The following ATIC variants were observed in gnomAD, a reference collection of about 807,000 sequenced individuals.
The protein encoded by ATIC is 5-aminoimidazole-4-carboxamide ribonucleotide formyltransferase/IMP cyclohydrolase.
In ATIC, 64 loss-of-function variants were observed where a neutral mutation model predicts 72.5. The observed-to-expected ratio is 0.88, with a 90% CI of 0.72 to 1.09. ATIC has a LOEUF of 1.09. Among genes scored for constraint, ATIC ranks in the 50% least tolerant of loss-of-function variants. The probability of loss-of-function intolerance (pLI) is 0.00; values close to 1 mark genes in which losing one functional copy is unlikely to be tolerated. For missense variants in ATIC, 787 were observed against 732.4 expected (o/e 1.07, Z -0.86); for synonymous variants, 281 against 267.1 (o/e 1.05, Z -0.51).
Position 215,349,555 on chromosome 2 carries a change from C to G in ATIC, c.1679C>G (p.Ala560Gly). The change falls in exon 16 of 16, where the codon GCG becomes GGG. Residue 560 changes from alanine to glycine, a missense_variant. Physicochemically the swap from Ala to Gly is moderately conservative, Grantham distance 60 (BLOSUM62 0). Transcript: ENST00000236959. ...CCCCAGAGTGGTGTGGCGTACATTG[C>G]GGCTCCCTCCGGTTCTGCTGCTGAC... is the stretch of plus-strand genomic sequence containing the variant. ...RAKRSGVAYIAAPSGSAADKV... is the reference protein window; with the variant it reads ...RAKRSGVAYIGAPSGSAADKV... The G allele has an allele frequency of 6.2e-7, 1 of 1,614,082 alleles. No individual in the cohort carries two copies. Among genetic ancestry groups the G allele is most frequent in the South Asian group, 1.1e-5 (1 of 91,080 alleles).
chr2:215,352,112 GC>G (rs1290041952), downstream of ATIC, among the ~76,000 whole-genome samples: 2 of 152,220 alleles, frequency 1.3e-5, no homozygotes, highest in East Asian at 3.9e-4. Flanking sequence ...GTCCTGGATA[GC>G]ATCCTGGAAC....
the ATIC span, chr2:215,363,780 C>G: frequency 6.6e-6 from 1 of 152,150 alleles, no homozygotes; most frequent in Admixed American, 6.5e-5. Context: ...CACATAATTT[C>G]ATTTTGAAAT....
intron 4 of ATIC, among the ~76,000 whole-genome samples, 198 bp downstream of exon 4, chr2:215,319,929 A>G (rs1209504144): frequency 6.6e-6 from 1 of 152,196 alleles, no homozygotes; most frequent in African/African-American, 2.4e-5. Flanking sequence ...GGAAGTTACA[A>G]TCTAAATCTT....
In ATIC at chr2:215,346,701, C is replaced by A. The variant is rs1458443890; in HGVS notation, c.1321-58C>A. The A allele has an allele frequency of 1.1e-5, 18 of 1,588,886 alleles. No homozygotes were observed. In the Admixed American group the frequency reaches 2.8e-4, roughly 25 times the overall value. ...TTTTGGAGAATGTGCACAAAAGATC[C>A]TTTTGAGAAGAAAGTGTCTTTGGAA... is the stretch of plus-strand genomic sequence containing the variant. On this transcript the variant is annotated intron_variant, in intron 13 of 15. Transcript: ENST00000236959.
intron 14 of ATIC, among the ~76,000 whole-genome samples, chr2:215,348,241 A>G (rs906963556): frequency 6.6e-6 from 1 of 152,212 alleles, no homozygotes; most frequent in Non-Finnish European, 1.5e-5. Flanking sequence ...TTTTGTCTAC[A>G]ACTGCCTTTA....
chr2:215,326,314 T>C (rs543450281), intron 6 of ATIC, among the ~76,000 whole-genome samples, 176 bp downstream of exon 6: 48 of 152,170 alleles, frequency 3.2e-4, no homozygotes, highest in African/African-American at 1.2e-3. Flanking sequence ...GTCAAAAAGA[T>C]TGAAAGAGAG....
chr2:215,312,371 C>T, intron 1 of ATIC, 127 bp from the exon 2 acceptor site: 1 of 1,555,218 alleles, frequency 6.4e-7, no homozygotes, highest in Non-Finnish European at 8.9e-7. Context: ...CCGGACCAGG[C>T]CTGCGAACGC....
At chr2:215,349,069 T>G (rs373509403) in intron 14 of ATIC, 25 bp from the exon 15 acceptor site, 58 of 1,613,850 alleles carry the variant, frequency 3.6e-5, no homozygotes, top group South Asian at 6.6e-5. Flanking sequence ...AGACCAAGCT[T>G]CTTCCTTTCT....
In ATIC at chr2:215,349,738, AT is replaced by A; in HGVS notation, c.*84del. ...ACTTTGAGGATAACTTTTTAAAAAA[AT>A]AAAACAGTATCTCTTAATCACTGGA... On this transcript the variant is annotated 3_prime_UTR_variant, in exon 16 of 16. Coordinates refer to ENST00000236959, the MANE Select transcript of ATIC (RefSeq NM_004044.7). 5.0e-6 allele frequency: 8 copies of A among 1,604,018 alleles called. No homozygotes were observed. The highest frequency in any genetic ancestry group is 2.7e-5 in the African/African-American group (2 of 74,818).
chr2:215,360,658 A>G, the ATIC span: 2 of 152,620 alleles, frequency 1.3e-5, no homozygotes, highest in Middle Eastern at 3.4e-3. Flanking sequence ...TAAAGCAGAA[A>G]GTGTAAAGCT....
chr2:215,342,865 A>G (rs1048699249), intron 12 of ATIC, among the ~76,000 whole-genome samples: 1 of 152,184 alleles, frequency 6.6e-6, no homozygotes, highest in Non-Finnish European at 1.5e-5. Context: ...TTTTCAGTAG[A>G]GACGGGGTTT....
chr2:215,361,751 T>G, the ATIC span: 2 of 1,009,986 alleles, frequency 2.0e-6, no homozygotes, highest in African/African-American at 3.2e-5. Flanking sequence ...TCTTCCTAGT[T>G]TCAAGAACCT....
intron 2 of ATIC, among the ~76,000 whole-genome samples, chr2:215,317,450 TA>T (rs1559266185): frequency 1.3e-5 from 2 of 152,184 alleles, no homozygotes; most frequent in African/African-American, 4.8e-5. Context: ...AACAGTCTTT[TA>T]TGTCTTCACT....
At chr2:215,349,479 G>C in intron 15 of ATIC, 57 bp from the exon 16 acceptor site, 1 of 1,612,836 alleles carries the variant, frequency 6.2e-7, no homozygotes, top group Non-Finnish European at 8.5e-7. Flanking sequence ...GGGGGATTTT[G>C]AGTTTTGCAG....
At position 215,328,168 on chromosome 2, in the gene ATIC, C is replaced by T. The variant is rs1392943028; in HGVS notation, c.688+1190C>T. Among the ~76,000 whole-genome samples, 5 of 152,140 alleles carry T rather than the reference C, an allele frequency of 3.3e-5. No individual in the cohort carries two copies. The South Asian group carries it at 8.3e-4, about 25-fold the overall frequency. ...GGATTACAGGCGTGAGCCACCACAC[C>T]TGGCCTCAGATCTCAGATACACTTT... On this transcript the variant is annotated intron_variant, in intron 7 of 15. Coordinates refer to ENST00000236959, the MANE Select transcript of ATIC (RefSeq NM_004044.7).
downstream of ATIC, among the ~76,000 whole-genome samples, chr2:215,352,882 G>A (rs62204789): frequency 0.59 from 89,896 of 151,830 alleles, 26,716 homozygotes; most frequent in East Asian, 0.72. Flanking sequence ...TAGTTCCCAC[G>A]TGCTGGGCTG....
intron 7 of ATIC, among the ~76,000 whole-genome samples, chr2:215,331,688 TG>T (rs2052896659): frequency 6.6e-6 from 1 of 152,126 alleles, no homozygotes; most frequent in Non-Finnish European, 1.5e-5. Context: ...GGCTCATTTT[TG>T]TTTTTAATTA....
At chr2:215,363,394 GAGAC>G in the ATIC span, 1 of 151,350 alleles carries the variant, frequency 6.6e-6, no homozygotes, top group South Asian at 2.1e-4. Context: ...GAGAGAGAGA[GAGAC>G]AGAGAGAGAT....
chr2:215,312,475 A>G (rs1415793686), intron 1 of ATIC, 23 bp from the exon 2 acceptor site: 1 of 1,614,106 alleles, frequency 6.2e-7, no homozygotes, highest in African/African-American at 1.3e-5. Flanking sequence ...GCGAATCATG[A>G]GAAAAAATGT....
Sources: allele counts gnomAD v4.1 joint callset (sites outside exome capture counted in the v4.1 genomes callset), GRCh38; gene constraint gnomAD v4.1.1; transcripts MANE v1.5; gene names NCBI Gene and HGNC (gene_info 2026-07-23, HGNC 2026-07-21).